The following JARID2 variants were observed in gnomAD, a reference collection of about 807,000 sequenced individuals.
The protein encoded by JARID2 is protein Jumonji.
Under a neutral mutation model 125.6 loss-of-function variants are expected in JARID2, and 21 were observed. The observed-to-expected ratio is 0.17, with a 90% confidence interval of 0.12 to 0.24. The LOEUF (loss-of-function observed/expected upper bound fraction) is 0.24. Ranked by LOEUF, JARID2 falls within the 10% of genes least tolerant of loss-of-function variation. The pLI is 1.00. For missense variants in JARID2, 1,303 were observed against 1,639.6 expected (o/e 0.79, Z 3.55); for synonymous variants, 736 against 661.6 (o/e 1.11, Z -1.73).
At chr6:15,251,385 G>C (rs1759446332) in intron 1 of JARID2, among the ~76,000 whole-genome samples, 1 of 152,070 alleles carries the variant, frequency 6.6e-6, no homozygotes. Context: ...TCCTGACATT[G>C]TCTGAATTCT....
chr6:15,277,538 T>A lies in JARID2; in HGVS notation c.45+30954T>A, dbSNP rs761638623. The stretch of plus-strand genomic sequence containing the variant: ...TATCCTGGGTAAGGTTTCTCAGGGT[T>A]GTAGGCCAGTCTCTTTGTCAGGAAG... On this transcript the variant is annotated intron_variant, in intron 1 of 17. Coordinates refer to ENST00000341776, the MANE Select transcript of JARID2 (RefSeq NM_004973.4). 4.3e-4 allele frequency among the ~76,000 whole-genome samples: 65 copies of A among 152,174 alleles called. 1 individual carries two copies. Among genetic ancestry groups the A allele is most frequent in the Non-Finnish European group, 8.7e-4 (59 of 68,022 alleles).
chr6:15,274,288 T>C (rs1285049684), intron 1 of JARID2, among the ~76,000 whole-genome samples: 2 of 152,212 alleles, frequency 1.3e-5, no homozygotes, highest in Admixed American at 6.5e-5. Flanking sequence ...TTGTCCCTTT[T>C]CATTTTAGAT....
chr6:15,483,080 C>A (rs1581626980), intron 5 of JARID2, among the ~76,000 whole-genome samples: 1 of 152,130 alleles, frequency 6.6e-6, no homozygotes, highest in South Asian at 2.1e-4. Flanking sequence ...GACAGGCTTG[C>A]TTTGTTCATT....
rs537202343 is a variant in JARID2, at chr6:15,498,986, C to T, written c.1945+1816C>T. Among the ~76,000 whole-genome samples, 9 of 152,352 alleles carry T rather than the reference C, an allele frequency of 5.9e-5. No individual in the cohort carries two copies. In the South Asian group the frequency reaches 1.7e-3, roughly 28 times the overall value. On this transcript the variant is annotated intron_variant, in intron 7 of 17. Coordinates refer to ENST00000341776, the MANE Select transcript of JARID2 (RefSeq NM_004973.4). ...GATGGAGCCTCGAGAGCACACTTGACATCGTAGTGACAGCGCCTTTTGTTT... is the reference window on the plus strand; with the variant it reads ...GATGGAGCCTCGAGAGCACACTTGATATCGTAGTGACAGCGCCTTTTGTTT...
chr6:15,252,948 A>AT (rs1484901827), intron 1 of JARID2, among the ~76,000 whole-genome samples: 1 of 152,158 alleles, frequency 6.6e-6, no homozygotes, highest in African/African-American at 2.4e-5. Context: ...ATCTGTCTAC[A>AT]TTTTTGTAGA....
At chr6:15,507,465 C>T (rs1771058893) in intron 11 of JARID2, 49 bp downstream of exon 11, 3 of 1,519,752 alleles carry the variant, frequency 2.0e-6, no homozygotes, top group South Asian at 1.1e-5. Context: ...TCCATGAGTC[C>T]TACTTGCTGA....
At chr6:15,512,163 C>T in intron 13 of JARID2, 45 bp from the exon 14 acceptor site, 2 of 1,576,632 alleles carry the variant, frequency 1.3e-6, no homozygotes, top group Non-Finnish European at 1.7e-6. Context: ...TGCAGGTGTC[C>T]CTGCGCACAG....
chr6:15,461,054 C>T (rs1768422950), intron 4 of JARID2, among the ~76,000 whole-genome samples: 1 of 152,158 alleles, frequency 6.6e-6, no homozygotes, highest in East Asian at 1.9e-4. Context: ...GAGATAATAC[C>T]GTGATGGCTT....
chr6:15,367,429 T>G (rs1001076967), intron 1 of JARID2, among the ~76,000 whole-genome samples: 2 of 152,198 alleles, frequency 1.3e-5, no homozygotes, highest in Non-Finnish European at 2.9e-5. Context: ...TCCCCACTAC[T>G]AATAATAGTT....
In JARID2 at chr6:15,422,023, A is replaced by G. The variant is rs575528450; in HGVS notation, c.323+11658A>G. Among the ~76,000 whole-genome samples the G allele has an allele frequency of 7.2e-5, 11 of 152,284 alleles. No homozygotes were observed. The East Asian group carries it at 2.1e-3, about 29-fold the overall frequency. On this transcript the variant is annotated intron_variant, in intron 3 of 17. Transcript: ENST00000341776. Reference sequence around the variant, plus strand: ...GCCTTGCTTCATTATAAACTGAGCGATGGATAGAAAGGGGAAAAGTTTTAG... The same window carrying G: ...GCCTTGCTTCATTATAAACTGAGCGGTGGATAGAAAGGGGAAAAGTTTTAG...
chr6:15,389,823 A>G (rs932543483), intron 2 of JARID2, among the ~76,000 whole-genome samples: 4 of 152,228 alleles, frequency 2.6e-5, no homozygotes, highest in Admixed American at 6.5e-5. Context: ...ATTTTATGGT[A>G]ATATGATGGT....
intron 2 of JARID2, among the ~76,000 whole-genome samples, chr6:15,381,341 C>CAAAA (rs11358363): frequency 1.4e-4 from 13 of 92,960 alleles, no homozygotes; most frequent in African/African-American, 4.3e-4. Flanking sequence ...ACTCCTGTCT[C>CAAAA]AAAAAAAAAA....
At chr6:15,407,277 C>A (rs555907089) in intron 2 of JARID2, among the ~76,000 whole-genome samples, 8 of 151,878 alleles carry the variant, frequency 5.3e-5, no homozygotes, top group Non-Finnish European at 1.0e-4. Context: ...CCCCCACCCC[C>A]CAAAAAACAA....
At chr6:15,323,795 C>T (rs1581412418) in intron 1 of JARID2, among the ~76,000 whole-genome samples, 1 of 150,514 alleles carries the variant, frequency 6.6e-6, no homozygotes, top group Non-Finnish European at 1.5e-5. Context: ...CTCTGGAGGC[C>T]ACGTGAGAAT....
In JARID2 at chr6:15,377,885, CTTCTTT is replaced by C. The variant is rs1319743574; in HGVS notation, c.181+3636_181+3641del. 6.4e-5 allele frequency among the ~76,000 whole-genome samples: 8 copies of C among 124,920 alleles called. No homozygotes were observed. In the East Asian group the frequency reaches 1.2e-3, roughly 18 times the overall value. The allele number at this position is 124,920 out of a possible 152,430, so 82.0% of individuals were successfully genotyped here. The stretch of plus-strand genomic sequence containing the variant: ...TGTTTTTTTTTCAATTTTTTTTCTT[CTTCTTT>C]TTTTTTTTTCTTTGAGATGGAGTTT... On this transcript the variant is annotated intron_variant, in intron 2 of 17. Coordinates refer to ENST00000341776, the MANE Select transcript of JARID2 (RefSeq NM_004973.4).
intron 4 of JARID2, among the ~76,000 whole-genome samples, chr6:15,454,660 T>G (rs1307095294): frequency 1.3e-5 from 2 of 150,524 alleles, no homozygotes; most frequent in Non-Finnish European, 3.0e-5. Flanking sequence ...TTTTTTTTTT[T>G]GGTAGAGAAG....
chr6:15,411,380 A>C (rs962182472), intron 3 of JARID2, among the ~76,000 whole-genome samples: 144 of 152,330 alleles, frequency 9.5e-4, no homozygotes, highest in Non-Finnish European at 1.3e-3. Context: ...GCATAGCTCA[A>C]AGTCTTTATT....
intron 6 of JARID2, among the ~76,000 whole-genome samples, chr6:15,490,507 G>A (rs78734603): frequency 0.026 from 4,028 of 152,266 alleles, 73 homozygotes; most frequent in South Asian, 0.06. Flanking sequence ...ACACCAGTGC[G>A]TACTTCACCT....
chr6:15,315,606 C>T (rs990618203), intron 1 of JARID2, among the ~76,000 whole-genome samples: 2 of 152,102 alleles, frequency 1.3e-5, no homozygotes, highest in African/African-American at 4.8e-5. Flanking sequence ...AGATGAGATA[C>T]GGTCAAAAAA....
Sources: gnomAD v4.1 joint callset for allele counts (sites outside exome capture counted in the v4.1 genomes callset) on GRCh38, gnomAD v4.1.1 for gene constraint, MANE v1.5 for transcripts, NCBI Gene and HGNC (gene_info 2026-07-23, HGNC 2026-07-21) for gene names.